The following COPE variants were observed in gnomAD, a reference collection of about 807,000 sequenced individuals.
COPE encodes coat protein complex I subunit epsilon.
A neutral mutation model predicts 42.1 loss-of-function variants in COPE; 19 were observed. The ratio of observed to expected loss-of-function variants is 0.45; its 90% CI spans 0.31 to 0.66. The LOEUF is 0.66. COPE is among the 30% of genes least tolerant of loss of function. The pLI is 0.05. For missense variants in COPE, 402 were observed against 416.1 expected, an observed-to-expected ratio of 0.97 and a Z score of 0.30; for synonymous variants, 195 against 181.3, an observed-to-expected ratio of 1.08 and a Z score of -0.60.
intron 2 of COPE, chr19:18,911,393 A>T: frequency 2.8e-6 from 1 of 355,036 alleles, no homozygotes; most frequent in Admixed American, 3.7e-5. Flanking sequence ...GGGCAGCAGC[A>T]GTTATGGGGG....
chr19:18,908,208 C>G (rs80092606), intron 3 of COPE, among the ~76,000 whole-genome samples: 2 of 152,090 alleles, frequency 1.3e-5, no homozygotes, highest in African/African-American at 4.8e-5. Context: ...AAGGCAGGAT[C>G]GCTTAAGCCC....
At chr19:18,901,827 AC>A in intron 7 of COPE, among the ~76,000 whole-genome samples, 1 of 151,584 alleles carries the variant, frequency 6.6e-6, no homozygotes, top group African/African-American at 2.4e-5. Flanking sequence ...CAAACAAAAA[AC>A]CCCCCAAAAT....
At chr19:18,908,417 A>AC (rs545538170) in intron 3 of COPE, among the ~76,000 whole-genome samples, 67 of 151,566 alleles carry the variant, frequency 4.4e-4, no homozygotes, top group African/African-American at 1.6e-3. Context: ...ACAGAGGGAG[A>AC]CCATCTCAAA....
At chr19:18,916,222 A>T (rs2145085219) in intron 1 of COPE, among the ~76,000 whole-genome samples, 1 of 147,680 alleles carries the variant, frequency 6.8e-6, no homozygotes. Context: ...GCGTGGTGGC[A>T]GGCACCTGTA....
At chr19:18,907,994 T>C (rs1310061948) in intron 3 of COPE, among the ~76,000 whole-genome samples, 1 of 152,188 alleles carries the variant, frequency 6.6e-6, no homozygotes, top group Non-Finnish European at 1.5e-5. Context: ...TGAGGGACCA[T>C]GTTACAGGGA....
At chr19:18,906,849 C>A in intron 4 of COPE, 111 bp downstream of exon 4, 1 of 1,297,614 alleles carries the variant, frequency 7.7e-7, no homozygotes, top group Non-Finnish European at 1.0e-6. Flanking sequence ...CATTTCAGCA[C>A]CACCTTTCTC....
intron 2 of COPE, among the ~76,000 whole-genome samples, chr19:18,911,625 C>T (rs1237658515): frequency 6.6e-6 from 1 of 151,848 alleles, no homozygotes; most frequent in East Asian, 1.9e-4. Flanking sequence ...GATCTCGGCT[C>T]ACTGCAAGCT....
chr19:18,904,663 TG>T, intron 6 of COPE, 107 bp downstream of exon 6: 1 of 957,026 alleles, frequency 1.0e-6, no homozygotes, highest in Non-Finnish European at 1.6e-6. Context: ...GGCCTGATCC[TG>T]GAGCCCCACT....
In COPE at chr19:18,904,783, G is replaced by A; in HGVS notation, c.567C>T (p.Val189=). The change falls in exon 6 of 10, where the codon GTC becomes GTT. Residue 189 remains valine, a synonymous_variant. Coordinates refer to ENST00000262812, the MANE Select transcript of COPE (RefSeq NM_007263.4). ...ATLTQLATAW[V]SLATGGEKLQ... ...GCCTAGGGCTCACCGTGGCCAGGCTGACCCAGGCAGTGGCGAGCTGGGTGA... is the reference window on the plus strand; with the variant it reads ...GCCTAGGGCTCACCGTGGCCAGGCTAACCCAGGCAGTGGCGAGCTGGGTGA... 6.4e-7 allele frequency: 1 copy of A among 1,553,380 alleles called. No individual in the cohort carries two copies. The highest frequency in any genetic ancestry group is 1.2e-5 in the South Asian group (1 of 84,170).
At chr19:18,913,499 A>C (rs1191772382) in intron 1 of COPE, among the ~76,000 whole-genome samples, 3 of 152,202 alleles carry the variant, frequency 2.0e-5, no homozygotes, top group Non-Finnish European at 1.5e-5. Context: ...ACACCCCCAC[A>C]GCCCAGCCAT....
Position 18,919,300 on chromosome 19 carries a change from C to G in COPE, c.49G>C (p.Asp17His), listed in dbSNP as rs778762147. ...GCGTTCTTTACGTCGAACAGCTCGT[C>G]TACCTCCCCGGAGCCGCCGGAGGCC... The part of the protein sequence containing the change: ...GPASGGSGEV[D>H]ELFDVKNAFY... The change falls in exon 1 of 10, where the codon GAC becomes CAC. Residue 17 changes from aspartate (D) to histidine (H), a missense_variant. Physicochemically the swap from Asp to His is moderately conservative, Grantham distance 81 (BLOSUM62 -1). Coordinates refer to ENST00000262812, the MANE Select transcript of COPE (RefSeq NM_007263.4). 2.5e-6 allele frequency: 4 copies of G among 1,613,914 alleles called. No individual in the cohort carries two copies. In the South Asian group the frequency reaches 4.4e-5, roughly 18 times the overall value.
chr19:18,907,278 G>A (rs1045566344), intron 3 of COPE, among the ~76,000 whole-genome samples, 166 bp from the exon 4 acceptor site: 8 of 152,032 alleles, frequency 5.3e-5, no homozygotes, highest in South Asian at 2.1e-4. Flanking sequence ...TCCTCCCTCC[G>A]TTCCTATGAA....
rs757747643 is a variant in COPE, at chr19:18,903,344, T to C, written c.659A>G (p.Asn220Ser). 20 of 1,612,566 alleles carry C rather than the reference T, an allele frequency of 1.2e-5. No individual in the cohort carries two copies. The highest frequency in any genetic ancestry group is 1.5e-5 in the Non-Finnish European group (18 of 1,179,558). The change falls in exon 7 of 10, where the codon AAT becomes AGT. Residue 220 changes from asparagine (N) to serine (S), a missense_variant. By Grantham distance (46) the Asn-to-Ser change is conservative (BLOSUM62 1). Coordinates refer to ENST00000262812, the MANE Select transcript of COPE (RefSeq NM_007263.4). ...DKCSPTLLLL[N>S]GQAACHMAQG... ...GGCCATGTGGCAGGCCGCCTGCCCATTGAGCAGCAGCAGGGTGGGCGAGCA... is the reference window on the plus strand; with the variant it reads ...GGCCATGTGGCAGGCCGCCTGCCCACTGAGCAGCAGCAGGGTGGGCGAGCA...
intron 3 of COPE, among the ~76,000 whole-genome samples, chr19:18,909,247 G>A (rs1045769221): frequency 6.6e-6 from 1 of 152,224 alleles, no homozygotes; most frequent in Non-Finnish European, 1.5e-5. Flanking sequence ...GCCCTGGGAG[G>A]TCACCTGTCT....
chr19:18,905,791 C>A, intron 4 of COPE, 162 bp from the exon 5 acceptor site: 1 of 651,840 alleles, frequency 1.5e-6, no homozygotes, highest in South Asian at 2.0e-5. Context: ...TCCCACATTT[C>A]ACCGCTCAGC....
intron 2 of COPE, chr19:18,911,401 G>A (rs2056809252): frequency 6.1e-6 from 2 of 330,238 alleles, no homozygotes; most frequent in East Asian, 1.2e-4. Flanking sequence ...GCAGTTATGG[G>A]GGTTGTGACA....
chr19:18,904,754 C>T lies in COPE; in HGVS notation c.579+17G>A. 2 of 1,550,812 alleles carry T rather than the reference C, an allele frequency of 1.3e-6. No homozygotes were observed. The highest frequency in any genetic ancestry group is 1.7e-6 in the Non-Finnish European group (2 of 1,146,592). On this transcript the variant is annotated intron_variant, in intron 6 of 9. Coordinates refer to ENST00000262812, the MANE Select transcript of COPE (RefSeq NM_007263.4). Reference sequence around the variant, plus strand: ...AGGTGCCCGCAATGCCCACCCACCTCATGGCCTAGGGCTCACCGTGGCCAG... The same window carrying T: ...AGGTGCCCGCAATGCCCACCCACCTTATGGCCTAGGGCTCACCGTGGCCAG...
Position 18,913,160 on chromosome 19 carries a change from G to A in COPE, c.127-114C>T, listed in dbSNP as rs1374733540. 4 of 923,378 alleles carry A rather than the reference G, an allele frequency of 4.3e-6. No individual in the cohort carries two copies. The East Asian group carries it at 1.0e-4, about 23-fold the overall frequency. 57.2% of individuals were successfully genotyped at this position (923,378 alleles called of 1,614,324 possible). Reference sequence around the variant, plus strand: ...TGGGGACAGGTGGCTTCTCCGGCAGGGTTGGAGGTCTGAGTCCCAGCCCTG... The same window carrying A: ...TGGGGACAGGTGGCTTCTCCGGCAGAGTTGGAGGTCTGAGTCCCAGCCCTG... On this transcript the variant is annotated intron_variant, in intron 1 of 9. Coordinates refer to ENST00000262812, the MANE Select transcript of COPE (RefSeq NM_007263.4).
At position 18,919,328 on chromosome 19, in the gene COPE, G is replaced by A. The variant is rs762031434; in HGVS notation, c.21C>T (p.Gly7=). The A allele has an allele frequency of 6.2e-6, 10 of 1,613,518 alleles. No individual in the cohort carries two copies. The highest frequency in any genetic ancestry group is 5.9e-6 in the Non-Finnish European group (7 of 1,179,992). Residue 7 remains glycine (G), a synonymous_variant, in exon 1 of 10, where the codon GGC becomes GGT. Transcript: ENST00000262812. The stretch of plus-strand genomic sequence containing the variant: ...CCTCCCCGGAGCCGCCGGAGGCCGG[G>A]CCGGGGGCCGGAGGCGCCATTTCGC... MAPPAP[G]PASGGSGEVD...
Sources: allele counts gnomAD v4.1 joint callset (sites outside exome capture counted in the v4.1 genomes callset), GRCh38; gene constraint gnomAD v4.1.1; transcripts MANE v1.5; gene names NCBI Gene and HGNC (gene_info 2026-07-23, HGNC 2026-07-21).